Variants in KCTD8 observed in about 807,000 individuals in gnomAD.
KCTD8 encodes the protein BTB/POZ domain-containing protein KCTD8.
Under a neutral mutation model 31.5 loss-of-function variants are expected in KCTD8, and 27 were observed. That is an observed-to-expected ratio of 0.86 (90% CI 0.63 to 1.18). The LOEUF is 1.18. KCTD8 is among the 50% of genes most tolerant of loss of function. The pLI is 0.00. For synonymous variants in KCTD8, 290 were observed against 280.0 expected (o/e 1.04, Z -0.36); for missense variants, 658 against 647.7 (o/e 1.02, Z -0.17).
At chr4:44,359,243 T>C (rs1163575538) in intron 1 of KCTD8, among the ~76,000 whole-genome samples, 1 of 152,158 alleles carries the variant, frequency 6.6e-6, no homozygotes, top group Admixed American at 6.5e-5. Context: ...TGCCCATGCC[T>C]ATGTCCTGAA....
At chr4:44,382,156 C>T (rs1377899326) in intron 1 of KCTD8, among the ~76,000 whole-genome samples, 1 of 152,036 alleles carries the variant, frequency 6.6e-6, no homozygotes, top group Non-Finnish European at 1.5e-5. Context: ...ACTCTCCACT[C>T]TCCACATTGG....
intron 1 of KCTD8, among the ~76,000 whole-genome samples, chr4:44,252,328 T>C (rs9291242): frequency 0.5 from 76,146 of 151,510 alleles, 19,491 homozygotes; most frequent in African/African-American, 0.6. Flanking sequence ...AACGTGTGTG[T>C]AAGTATATTT....
chr4:44,401,011 C>CCTTTTTTTTT (rs1553905940), intron 1 of KCTD8, among the ~76,000 whole-genome samples: 2 of 95,916 alleles, frequency 2.1e-5, no homozygotes, highest in African/African-American at 8.0e-5. Context: ...AATTTTCTTT[C>CCTTTTTTTTT]TTTTTTTTTT....
At chr4:44,180,329 T>G (rs567188447) in intron 1 of KCTD8, among the ~76,000 whole-genome samples, 25 of 152,098 alleles carry the variant, frequency 1.6e-4, no homozygotes, top group African/African-American at 6.0e-4. Context: ...CTAAGATTTA[T>G]CTGTAAAAAA....
At chr4:44,397,169 A>T (rs552012344) in intron 1 of KCTD8, among the ~76,000 whole-genome samples, 1 of 152,314 alleles carries the variant, frequency 6.6e-6, no homozygotes, top group African/African-American at 2.4e-5. Context: ...TAACATAAAG[A>T]TACCATGCCT....
intron 1 of KCTD8, among the ~76,000 whole-genome samples, chr4:44,269,660 C>T (rs1035133902): frequency 1.7e-4 from 26 of 152,270 alleles, no homozygotes; most frequent in Admixed American, 2.6e-4. Flanking sequence ...GGGCTAATAT[C>T]CAGAATCTAC....
chr4:44,416,815 G>A, intron 1 of KCTD8, among the ~76,000 whole-genome samples: 1 of 152,058 alleles, frequency 6.6e-6, no homozygotes, highest in East Asian at 1.9e-4. Flanking sequence ...AAATTACCTA[G>A]GTTCAGATAT....
chr4:44,273,996 A>G (rs1443214516), intron 1 of KCTD8, among the ~76,000 whole-genome samples: 4 of 151,964 alleles, frequency 2.6e-5, no homozygotes, highest in Non-Finnish European at 1.5e-5. Context: ...AATATTCAAT[A>G]GCAGAAAAAA....
At chr4:44,302,502 T>A (rs559963801) in intron 1 of KCTD8, among the ~76,000 whole-genome samples, 1 of 152,152 alleles carries the variant, frequency 6.6e-6, no homozygotes, top group African/African-American at 2.4e-5. Flanking sequence ...AGTTCACTCA[T>A]GATTTGGCTC....
chr4:44,306,407 T>C (rs1214585120), intron 1 of KCTD8, among the ~76,000 whole-genome samples: 2 of 152,030 alleles, frequency 1.3e-5, no homozygotes, highest in Non-Finnish European at 2.9e-5. Context: ...TTAAAATATA[T>C]GTCTCTCAGA....
intron 1 of KCTD8, among the ~76,000 whole-genome samples, chr4:44,298,896 A>G (rs1015606590): frequency 6.6e-6 from 1 of 152,370 alleles, no homozygotes; most frequent in Admixed American, 6.5e-5. Flanking sequence ...GAAAAAAGCT[A>G]TTCACATAAA....
At chr4:44,323,207 CAT>C (rs1718344483) in intron 1 of KCTD8, among the ~76,000 whole-genome samples, 1 of 151,890 alleles carries the variant, frequency 6.6e-6, no homozygotes, top group African/African-American at 2.4e-5. Flanking sequence ...CATATAATAA[CAT>C]GTGGCCAGGC....
intron 1 of KCTD8, among the ~76,000 whole-genome samples, chr4:44,373,818 G>A (rs1719851746): frequency 6.6e-6 from 1 of 151,928 alleles, no homozygotes; most frequent in Non-Finnish European, 1.5e-5. Context: ...ATAAGATAAG[G>A]ATTTCTTATT....
intron 1 of KCTD8, among the ~76,000 whole-genome samples, chr4:44,398,976 AAAAC>A: frequency 6.6e-6 from 1 of 152,336 alleles, no homozygotes; most frequent in South Asian, 2.1e-4. Flanking sequence ...TTAAGTCAGT[AAAAC>A]AAAAGAGTAA....
chr4:44,405,233 C>A (rs2109459425), intron 1 of KCTD8, among the ~76,000 whole-genome samples: 1 of 140,770 alleles, frequency 7.1e-6, no homozygotes, highest in South Asian at 2.4e-4. Flanking sequence ...CTTTGATCAG[C>A]CAGGTGTTTT....
intron 1 of KCTD8, among the ~76,000 whole-genome samples, chr4:44,430,280 A>T (rs912145943): frequency 1.4e-4 from 21 of 151,702 alleles, no homozygotes; most frequent in African/African-American, 4.8e-4. Flanking sequence ...AGAACTGGAA[A>T]AAAGAAAAAA....
At chr4:44,261,630 C>A (rs928753484) in intron 1 of KCTD8, among the ~76,000 whole-genome samples, 6 of 151,890 alleles carry the variant, frequency 4.0e-5, no homozygotes, top group African/African-American at 1.4e-4. Flanking sequence ...CTGTTCTACT[C>A]TCTGCTTTTA....
intron 1 of KCTD8, among the ~76,000 whole-genome samples, chr4:44,411,377 CA>C (rs781705203): frequency 0.26 from 13,026 of 50,170 alleles, 798 homozygotes; most frequent in African/African-American, 0.38. Context: ...GAGCCTGTCT[CA>C]AAAAAAAAAA....
intron 1 of KCTD8, among the ~76,000 whole-genome samples, chr4:44,282,182 A>T (rs1379460562): frequency 6.6e-6 from 1 of 151,966 alleles, no homozygotes; most frequent in African/African-American, 2.4e-5. Context: ...GCATCAAGCA[A>T]GACTATTGGG....
Sources: gnomAD v4.1 joint callset for allele counts (sites outside exome capture counted in the v4.1 genomes callset) on GRCh38, gnomAD v4.1.1 for gene constraint, MANE v1.5 for transcripts, NCBI Gene and HGNC (gene_info 2026-07-23, HGNC 2026-07-21) for gene names.